The following SCFD2 variants were observed in gnomAD, a reference collection of about 807,000 sequenced individuals.
The protein encoded by SCFD2 is sec1 family domain-containing protein 2.
Under a neutral mutation model 58.9 loss-of-function variants are expected in SCFD2, and 54 were observed. That is an observed-to-expected ratio of 0.92 (90% CI 0.74 to 1.15). The LOEUF is 1.15. Ranked by LOEUF, SCFD2 falls within the 50% of genes most tolerant of loss-of-function variation. The pLI is 0.00. For missense variants in SCFD2, 805 were observed against 836.6 expected, an observed-to-expected ratio of 0.96 and a Z score of 0.47; for synonymous variants, 321 against 335.9, an observed-to-expected ratio of 0.96 and a Z score of 0.49.
chr4:52,887,276 C>T (rs1718762062), intron 7 of SCFD2, among the ~76,000 whole-genome samples: 1 of 152,184 alleles, frequency 6.6e-6, no homozygotes. Context: ...CTAGCCTGAG[C>T]TGAGGGTCCA....
chr4:53,122,581 G>A (rs1408803809), intron 5 of SCFD2, among the ~76,000 whole-genome samples: 1 of 152,078 alleles, frequency 6.6e-6, no homozygotes, highest in Non-Finnish European at 1.5e-5. Context: ...GGAGCCTCTC[G>A]GTCCAGAATT....
intron 3 of SCFD2, among the ~76,000 whole-genome samples, chr4:53,303,655 A>G (rs1402299580): frequency 6.6e-6 from 1 of 152,152 alleles, no homozygotes. Context: ...ATGCACATGT[A>G]TGTTTATTGT....
chr4:53,229,638 T>C (rs1389453206), intron 4 of SCFD2, among the ~76,000 whole-genome samples: 1 of 152,202 alleles, frequency 6.6e-6, no homozygotes, highest in Non-Finnish European at 1.5e-5. Flanking sequence ...GATTAAAGAC[T>C]TACATGTTAG....
chr4:53,326,202 G>A (rs1204330614), intron 2 of SCFD2, among the ~76,000 whole-genome samples: 5 of 151,868 alleles, frequency 3.3e-5, no homozygotes, highest in Admixed American at 1.3e-4. Context: ...GAGTGCAGTG[G>A]CGTGATCACA....
intron 5 of SCFD2, among the ~76,000 whole-genome samples, chr4:53,038,800 C>T (rs1297217050): frequency 1.3e-5 from 2 of 151,904 alleles, no homozygotes; most frequent in Admixed American, 1.3e-4. Flanking sequence ...GCAATCCTCC[C>T]ACCTTCGCCT....
intron 4 of SCFD2, among the ~76,000 whole-genome samples, chr4:53,266,526 A>T (rs565630354): frequency 6.6e-6 from 1 of 152,326 alleles, no homozygotes; most frequent in Middle Eastern, 3.4e-3. Flanking sequence ...TCTTTAGATG[A>T]GGAAACTAAG....
chr4:53,291,632 T>C (rs904414164), intron 3 of SCFD2, among the ~76,000 whole-genome samples: 4 of 151,998 alleles, frequency 2.6e-5, no homozygotes, highest in African/African-American at 9.7e-5. Context: ...AAAACTATTT[T>C]AAAATTCATA....
intron 4 of SCFD2, among the ~76,000 whole-genome samples, chr4:53,269,632 T>G (rs1470584607): frequency 1.3e-5 from 2 of 152,174 alleles, no homozygotes; most frequent in Non-Finnish European, 2.9e-5. Flanking sequence ...TAATTCCTTT[T>G]TTAAACAAAT....
chr4:53,331,629 C>A (rs1043935298), intron 2 of SCFD2, among the ~76,000 whole-genome samples: 1 of 151,768 alleles, frequency 6.6e-6, no homozygotes, highest in African/African-American at 2.4e-5. Context: ...CACTAAATGC[C>A]CACAGGAGAA....
intron 4 of SCFD2, among the ~76,000 whole-genome samples, chr4:53,216,301 T>C (rs1728831162): frequency 1.3e-5 from 2 of 152,200 alleles, no homozygotes; most frequent in Non-Finnish European, 1.5e-5. Context: ...TCATACGCTA[T>C]TAATTATTGC....
At chr4:53,294,026 C>T (rs539324232) in intron 3 of SCFD2, among the ~76,000 whole-genome samples, 3 of 152,236 alleles carry the variant, frequency 2.0e-5, no homozygotes. Flanking sequence ...TGATGGTTTT[C>T]TTTATCCAGT....
intron 8 of SCFD2, among the ~76,000 whole-genome samples, chr4:52,878,154 C>T (rs1226736638): frequency 6.6e-6 from 1 of 152,186 alleles, no homozygotes; most frequent in Non-Finnish European, 1.5e-5. Flanking sequence ...CACGGTATTC[C>T]CTGTCAACTT....
intron 5 of SCFD2, chr4:52,948,298 A>G: frequency 3.5e-6 from 1 of 287,274 alleles, no homozygotes; most frequent in Non-Finnish European, 7.0e-6. Context: ...CAGCTTTCCC[A>G]GCACTCTGAC....
chr4:53,048,726 G>A (rs1268194965), intron 5 of SCFD2, among the ~76,000 whole-genome samples: 1 of 152,144 alleles, frequency 6.6e-6, no homozygotes, highest in Non-Finnish European at 1.5e-5. Context: ...GGCCCTCCAG[G>A]CCCTGGGTCA....
At chr4:53,340,187 G>C (rs150558297) in intron 2 of SCFD2, among the ~76,000 whole-genome samples, 5 of 152,112 alleles carry the variant, frequency 3.3e-5, no homozygotes, top group Admixed American at 2.0e-4. Context: ...CCTGGGAACC[G>C]CAAGGGGTCA....
rs139944548 is a variant in SCFD2 at position 53,130,512 on chromosome 4, T to C, written c.1561+14821A>G. ...GAATCACTCCAACTGTCAATCTAAG[T>C]GGCAGTTGTGGGACTGCCAATTGCA... On this transcript the variant is annotated intron_variant, in intron 5 of 8. Transcript: ENST00000401642. Among the ~76,000 whole-genome samples, 733 of 152,314 alleles carry C rather than the reference T, an allele frequency of 4.8e-3. 2 individuals are homozygous for C. The highest frequency in any genetic ancestry group is 7.6e-3 in the Non-Finnish European group (515 of 68,030).
intron 5 of SCFD2, among the ~76,000 whole-genome samples, chr4:52,952,241 AG>A (rs1259742522): frequency 8.6e-6 from 1 of 115,882 alleles, no homozygotes; most frequent in Admixed American, 9.2e-5. Context: ...CCCCTCTCAC[AG>A]CCCCATCCCC....
chr4:53,245,657 G>A (rs1300438602), intron 4 of SCFD2, among the ~76,000 whole-genome samples: 1 of 152,076 alleles, frequency 6.6e-6, no homozygotes, highest in Non-Finnish European at 1.5e-5. Flanking sequence ...ACTAGGTATT[G>A]CAGGAATATA....
chr4:53,053,232 A>AG (rs1216747397), intron 5 of SCFD2, among the ~76,000 whole-genome samples: 3 of 152,002 alleles, frequency 2.0e-5, no homozygotes, highest in Non-Finnish European at 4.4e-5. Context: ...CAAAAAAAAA[A>AG]AAAAAACTGG....
Sources: gnomAD v4.1 joint callset for allele counts (sites outside exome capture counted in the v4.1 genomes callset) on GRCh38, gnomAD v4.1.1 for gene constraint, MANE v1.5 for transcripts, NCBI Gene and HGNC (gene_info 2026-07-23, HGNC 2026-07-21) for gene names.